Variants in MED12L observed in about 807,000 individuals in gnomAD.
The protein encoded by MED12L is mediator complex subunit 12L.
A neutral mutation model predicts 281.3 loss-of-function variants in MED12L; 60 were observed. That is an observed-to-expected ratio of 0.21 (90% confidence interval 0.17 to 0.26). The LOEUF (loss-of-function observed/expected upper bound fraction) is 0.26. MED12L is among the 10% of genes least tolerant of loss of function. The pLI is 1.00. For missense variants in MED12L, 2,146 were observed against 2,680.9 expected (o/e 0.80, Z 4.41); for synonymous variants, 974 against 987.2 (o/e 0.99, Z 0.25).
chr3:151,298,160 T>C (rs959455720), intron 16 of MED12L, among the ~76,000 whole-genome samples: 1 of 152,218 alleles, frequency 6.6e-6, no homozygotes, highest in Admixed American at 6.5e-5. Flanking sequence ...TCATTTATTC[T>C]CTATCATTGC....
intron 16 of MED12L, among the ~76,000 whole-genome samples, chr3:151,204,180 T>C (rs970025960): frequency 1.3e-4 from 20 of 152,314 alleles, no homozygotes; most frequent in Admixed American, 9.8e-4. Context: ...TAATGCTTCA[T>C]TGGCTTGGTA....
chr3:151,291,150 G>GTTTTTTTT (rs59482240), intron 16 of MED12L, among the ~76,000 whole-genome samples: 1 of 127,566 alleles, frequency 7.8e-6, no homozygotes, highest in Non-Finnish European at 1.7e-5. Context: ...CTTGTTTTCT[G>GTTTTTTTT]TTTTTTTTTT....
At chr3:151,157,436 G>A (rs1166470653) in intron 6 of MED12L, among the ~76,000 whole-genome samples, 1 of 151,952 alleles carries the variant, frequency 6.6e-6, no homozygotes, top group Non-Finnish European at 1.5e-5. Flanking sequence ...AGGATGGACT[G>A]TTATTTATGA....
chr3:151,340,384 T>C (rs1751659513), intron 16 of MED12L, among the ~76,000 whole-genome samples: 2 of 152,182 alleles, frequency 1.3e-5, no homozygotes, highest in South Asian at 2.1e-4. Flanking sequence ...TTTCTATGCT[T>C]TGTATAATTT....
At chr3:151,406,233 G>C (rs933816549) in intron 39 of MED12L, among the ~76,000 whole-genome samples, 4 of 152,070 alleles carry the variant, frequency 2.6e-5, no homozygotes, top group Non-Finnish European at 4.4e-5. Flanking sequence ...TCAGTCTCTA[G>C]TTTCCTTTAT....
chr3:151,092,848 A>G (rs1270648733), intron 2 of MED12L, among the ~76,000 whole-genome samples: 1 of 152,108 alleles, frequency 6.6e-6, no homozygotes, highest in East Asian at 1.9e-4. Flanking sequence ...GGAGGAACTG[A>G]TGTTTGTGCT....
At chr3:151,384,610 T>A (rs1713002389) in intron 35 of MED12L, 10 of 187,136 alleles carry the variant, frequency 5.3e-5, no homozygotes, top group Middle Eastern at 2.3e-3. Context: ...CAGACTCCTT[T>A]AAAAAAAAAT....
chr3:151,377,136 A>C lies in MED12L; in HGVS notation c.4274A>C (p.Asp1425Ala). Residue 1425 changes from aspartate to alanine, a missense_variant, in exon 30 of 45, where the codon GAT becomes GCT. Around this residue, in one of 9 missense-constraint regions of MED12L, gnomAD observed 235 missense variants for 260.3 expected, o/e 0.90. Transcript: ENST00000687756. ...LFNPNSIGSADTSSTRQNGIK... is the reference protein window; with the variant it reads ...LFNPNSIGSAATSSTRQNGIK... ...AACCCAAACAGTATTGGAAGTGCTGATACAAGTAGCACGAGACAGAATGGA... is the reference window on the plus strand; with the variant it reads ...AACCCAAACAGTATTGGAAGTGCTGCTACAAGTAGCACGAGACAGAATGGA... The C allele has an allele frequency of 6.2e-7, 1 of 1,613,978 alleles. No homozygotes were observed. Among genetic ancestry groups the C allele is most frequent in the Non-Finnish European group, 8.5e-7 (1 of 1,179,924 alleles).
intron 42 of MED12L, among the ~76,000 whole-genome samples, chr3:151,414,041 G>A (rs574202139): frequency 6.6e-6 from 1 of 152,048 alleles, no homozygotes; most frequent in African/African-American, 2.4e-5. Context: ...TAGTAGAGAC[G>A]GGTTTTTGCC....
At chr3:151,117,955 G>A (rs1050163633) in intron 3 of MED12L, among the ~76,000 whole-genome samples, 1 of 151,872 alleles carries the variant, frequency 6.6e-6, no homozygotes, top group Non-Finnish European at 1.5e-5. Flanking sequence ...GCTGGGTGTG[G>A]TGGTGGGCGC....
At chr3:151,166,026 G>T (rs749010861) in intron 11 of MED12L, 44 bp downstream of exon 11, 11 of 1,543,354 alleles carry the variant, frequency 7.1e-6, no homozygotes, top group Non-Finnish European at 9.7e-6. Flanking sequence ...TATTTTCATA[G>T]TGTTTTTTTC....
intron 2 of MED12L, among the ~76,000 whole-genome samples, chr3:151,115,717 C>T (rs1005226430): frequency 1.3e-4 from 19 of 151,312 alleles, no homozygotes; most frequent in African/African-American, 4.6e-4. Context: ...TTTTCTTTTT[C>T]TAACTTATAA....
intron 3 of MED12L, 60 bp downstream of exon 3, chr3:151,116,502 A>G (rs1712833994): frequency 1.9e-6 from 2 of 1,043,366 alleles, no homozygotes; most frequent in Admixed American, 1.9e-5. Context: ...TGACACCCTT[A>G]ATAATCACTG....
In MED12L at chr3:151,291,335, G is replaced by C. The variant is rs113853376; in HGVS notation, c.2251-58724G>C. On this transcript the variant is annotated intron_variant, in intron 16 of 44. Transcript: ENST00000687756. The stretch of plus-strand genomic sequence containing the variant: ...ACCACATTCTCTTGAAACGATGGTT[G>C]AGAAACAAAATACTATTATACAATT... Among the ~76,000 whole-genome samples the C allele has an allele frequency of 2.0e-5, 3 of 152,102 alleles. No homozygotes were observed. The East Asian group carries it at 5.8e-4, about 29-fold the overall frequency.
At chr3:151,369,337 C>A in intron 25 of MED12L, 99 bp from the exon 26 acceptor site, 1 of 702,742 alleles carries the variant, frequency 1.4e-6, no homozygotes, top group Non-Finnish European at 2.3e-6. Flanking sequence ...GGCAATTAAG[C>A]ACCCACAGTC....
chr3:151,089,232 C>T (rs571896475), intron 2 of MED12L, among the ~76,000 whole-genome samples: 1 of 152,010 alleles, frequency 6.6e-6, no homozygotes, highest in Non-Finnish European at 1.5e-5. Flanking sequence ...TATTTTTAAT[C>T]TATTTGATAT....
intron 16 of MED12L, among the ~76,000 whole-genome samples, chr3:151,311,645 AT>A (rs1747532902): frequency 6.6e-6 from 1 of 152,198 alleles, no homozygotes; most frequent in Non-Finnish European, 1.5e-5. Flanking sequence ...TGTAGCTGCG[AT>A]TATTTAAGGA....
intron 16 of MED12L, among the ~76,000 whole-genome samples, chr3:151,317,411 A>C (rs1748402331): frequency 6.8e-6 from 1 of 146,478 alleles, no homozygotes; most frequent in African/African-American, 2.5e-5. Flanking sequence ...GCATCCAACA[A>C]TGACAAATTT....
chr3:151,329,947 C>T (rs944869064), intron 16 of MED12L, among the ~76,000 whole-genome samples: 5 of 152,096 alleles, frequency 3.3e-5, no homozygotes, highest in Admixed American at 6.5e-5. Flanking sequence ...TTCAGGAAGA[C>T]GGTATGTTTA....
Sources: gnomAD v4.1 joint callset for allele counts (sites outside exome capture counted in the v4.1 genomes callset) on GRCh38, gnomAD v4.1.1 for gene constraint, gnomAD v4.1.1 regional missense constraint, MANE v1.5 for transcripts, NCBI Gene and HGNC (gene_info 2026-07-23, HGNC 2026-07-21) for gene names.